Variants in LRRTM3 observed in about 807,000 individuals in gnomAD.
LRRTM3 encodes leucine-rich repeat transmembrane neuronal protein 3.
A neutral mutation model predicts 44.7 loss-of-function variants in LRRTM3; 24 were observed. The ratio of observed to expected loss-of-function variants is 0.54; its 90% CI spans 0.39 to 0.76. The LOEUF is 0.76. Ranked by LOEUF, LRRTM3 falls within the 30% of genes least tolerant of loss-of-function variation. LRRTM3 has a pLI of 0.00. For missense variants in LRRTM3, 587 were observed against 702.2 expected, an observed-to-expected ratio of 0.84 and a Z score of 1.85; for synonymous variants, 277 against 278.7, an observed-to-expected ratio of 0.99 and a Z score of 0.06.
chr10:66,981,271 G>T (rs2132881207), intron 2 of LRRTM3, among the ~76,000 whole-genome samples: 1 of 152,282 alleles, frequency 6.6e-6, no homozygotes, highest in South Asian at 2.1e-4. Flanking sequence ...TCCTAAAAAT[G>T]AATGATTACA....
intron 2 of LRRTM3, among the ~76,000 whole-genome samples, chr10:67,023,860 C>A (rs1564838533): frequency 6.6e-6 from 1 of 152,124 alleles, no homozygotes; most frequent in South Asian, 2.1e-4. Context: ...TATGTAACTT[C>A]AGGTAGAATG....
chr10:67,080,361 G>A (rs957796127), intron 2 of LRRTM3, among the ~76,000 whole-genome samples: 1 of 152,086 alleles, frequency 6.6e-6, no homozygotes, highest in East Asian at 1.9e-4. Context: ...CAAAACTACC[G>A]AAGTATGGGA....
rs373034886 is a variant in LRRTM3 at position 67,101,497 on chromosome 10, A to C, written c.*3701A>C. Among the ~76,000 whole-genome samples the C allele has an allele frequency of 2.6e-5, 4 of 151,772 alleles. No individual in the cohort carries two copies. The highest frequency in any genetic ancestry group is 9.7e-5 in the African/African-American group (4 of 41,394). ...AAATATAATTTATCCAAATTGATGT[A>C]TAGAACCTAAAACATATGCTAACTT... On this transcript the variant is annotated 3_prime_UTR_variant, in exon 3 of 3. Transcript: ENST00000361320.
intron 2 of LRRTM3, among the ~76,000 whole-genome samples, chr10:67,092,499 C>T (rs879589412): frequency 6.6e-6 from 1 of 151,726 alleles, no homozygotes; most frequent in Non-Finnish European, 1.5e-5. Flanking sequence ...TCTTGAGTGA[C>T]CTTAACCAAA....
At chr10:67,080,233 T>C (rs1365808852) in intron 2 of LRRTM3, among the ~76,000 whole-genome samples, 2 of 152,172 alleles carry the variant, frequency 1.3e-5, no homozygotes, top group African/African-American at 4.8e-5. Flanking sequence ...TTCTGCTGGA[T>C]TGGGTTTTGA....
At chr10:66,974,637 G>C (rs1849924589) in intron 2 of LRRTM3, among the ~76,000 whole-genome samples, 1 of 152,120 alleles carries the variant, frequency 6.6e-6, no homozygotes, top group Admixed American at 6.5e-5. Flanking sequence ...ATGTATAAGA[G>C]TTTCATTGGT....
chr10:67,002,448 G>A (rs953184527), intron 2 of LRRTM3, among the ~76,000 whole-genome samples: 10 of 152,030 alleles, frequency 6.6e-5, no homozygotes, highest in Non-Finnish European at 1.3e-4. Flanking sequence ...TTTCTACAAG[G>A]TTGAATCTAA....
At chr10:67,063,644 A>G (rs531294078) in intron 2 of LRRTM3, among the ~76,000 whole-genome samples, 2 of 152,354 alleles carry the variant, frequency 1.3e-5, no homozygotes, top group East Asian at 3.9e-4. Flanking sequence ...CCCACTGACC[A>G]GTGCTCTTTC....
intron 2 of LRRTM3, among the ~76,000 whole-genome samples, chr10:67,029,748 T>A (rs143020821): frequency 1.3e-5 from 2 of 152,176 alleles, no homozygotes; most frequent in African/African-American, 4.8e-5. Context: ...TGATTCTATA[T>A]CAAAAACCAA....
intron 2 of LRRTM3, among the ~76,000 whole-genome samples, chr10:67,043,226 C>G (rs1472982368): frequency 6.6e-6 from 1 of 150,548 alleles, no homozygotes; most frequent in African/African-American, 2.4e-5. Context: ...GCCAAGAACA[C>G]CAGATATGGC....
intron 2 of LRRTM3, among the ~76,000 whole-genome samples, chr10:67,022,801 G>A (rs1003170376): frequency 6.6e-6 from 1 of 152,048 alleles, no homozygotes; most frequent in African/African-American, 2.4e-5. Flanking sequence ...AGCCGGGCGT[G>A]GTGGTGCACG....
At chr10:67,058,861 A>G (rs1469593630) in intron 2 of LRRTM3, among the ~76,000 whole-genome samples, 1 of 152,186 alleles carries the variant, frequency 6.6e-6, no homozygotes, top group South Asian at 2.1e-4. Context: ...AATTTCTAAG[A>G]TCATAAAATG....
chr10:66,980,037 T>C (rs1304313983), intron 2 of LRRTM3, among the ~76,000 whole-genome samples: 1 of 152,182 alleles, frequency 6.6e-6, no homozygotes, highest in Non-Finnish European at 1.5e-5. Context: ...GGAGACACTT[T>C]TTTCCCTAAA....
intron 2 of LRRTM3, among the ~76,000 whole-genome samples, chr10:66,999,255 C>T (rs1364465670): frequency 6.6e-6 from 1 of 152,012 alleles, no homozygotes; most frequent in Non-Finnish European, 1.5e-5. Flanking sequence ...AGTTAAAAGA[C>T]CTGTGACTGA....
At chr10:66,965,260 G>A (rs555163283) in intron 2 of LRRTM3, among the ~76,000 whole-genome samples, 9 of 151,880 alleles carry the variant, frequency 5.9e-5, no homozygotes, top group Admixed American at 2.0e-4. Context: ...TTTTTGGCTC[G>A]GCATGGTGGC....
intron 2 of LRRTM3, among the ~76,000 whole-genome samples, chr10:66,992,505 A>G (rs928478863): frequency 1.3e-5 from 2 of 151,778 alleles, no homozygotes; most frequent in Admixed American, 1.3e-4. Flanking sequence ...TGCATTACAA[A>G]TATGTTCTTC....
At chr10:67,044,603 G>A (rs982855120) in intron 2 of LRRTM3, among the ~76,000 whole-genome samples, 9 of 152,142 alleles carry the variant, frequency 5.9e-5, no homozygotes, top group Non-Finnish European at 1.2e-4. Flanking sequence ...GACAGGATTT[G>A]TCTTATTCTG....
intron 2 of LRRTM3, among the ~76,000 whole-genome samples, chr10:67,069,301 C>A (rs1175266964): frequency 6.6e-6 from 1 of 151,988 alleles, no homozygotes; most frequent in Non-Finnish European, 1.5e-5. Flanking sequence ...TAGTGCATTT[C>A]TTTTACCCCA....
In LRRTM3 at chr10:67,097,971, G is replaced by C; in HGVS notation, c.*175G>C. On this transcript the variant is annotated 3_prime_UTR_variant, in exon 3 of 3. Transcript: ENST00000361320. ...ATAAAGAAGACATGAATTGTTTTAA[G>C]TCTACACTTTGTAATTAGCTAAGTT... is the stretch of plus-strand genomic sequence containing the variant. 3 of 614,664 alleles carry C rather than the reference G, an allele frequency of 4.9e-6. No homozygotes were observed. The highest frequency in any genetic ancestry group is 8.5e-6 in the Non-Finnish European group (3 of 352,354). The allele number at this position is 614,664 out of a possible 1,614,324, so 38.1% of individuals were successfully genotyped here.
Sources: gnomAD v4.1 joint callset for allele counts (sites outside exome capture counted in the v4.1 genomes callset) on GRCh38, gnomAD v4.1.1 for gene constraint, MANE v1.5 for transcripts, NCBI Gene and HGNC (gene_info 2026-07-23, HGNC 2026-07-21) for gene names.